Variants in ZSWIM5 observed in about 807,000 individuals in gnomAD.
ZSWIM5 encodes zinc finger SWIM-type containing 5, also known as zinc finger SWIM domain-containing protein 5.
ZSWIM5 carries 55 observed loss-of-function variants against 119.6 expected under a neutral mutation model. The observed-to-expected ratio is 0.46, with a 90% confidence interval of 0.37 to 0.58. The LOEUF (loss-of-function observed/expected upper bound fraction) is 0.58, where lower values mean the gene tolerates loss of function less well. Among genes scored for constraint, ZSWIM5 ranks in the 20% least tolerant of loss-of-function variants. The probability of loss-of-function intolerance (pLI) is 0.00; values close to 1 mark genes in which losing one functional copy is unlikely to be tolerated. For missense variants in ZSWIM5, 1,193 were observed against 1,512.8 expected (o/e 0.79, Z 3.51); for synonymous variants, 537 against 606.9 (o/e 0.88, Z 1.69).
intron 2 of ZSWIM5, among the ~76,000 whole-genome samples, chr1:45,062,564 C>T (rs1645159144): frequency 6.6e-6 from 1 of 152,044 alleles, no homozygotes; most frequent in Non-Finnish European, 1.5e-5. Flanking sequence ...GTAGTGGTGC[C>T]ATCATGGCTC....
chr1:45,116,305 T>G (rs1018113247), intron 1 of ZSWIM5, among the ~76,000 whole-genome samples: 3 of 152,210 alleles, frequency 2.0e-5, no homozygotes, highest in African/African-American at 7.2e-5. Flanking sequence ...CTAGAGAATA[T>G]AGGAGATTTT....
rs140411876 is a variant in ZSWIM5 at position 45,030,308 on chromosome 1, C to T, written c.2449+4004G>A. On this transcript the variant is annotated intron_variant, in intron 11 of 13. Coordinates refer to ENST00000359600, the MANE Select transcript of ZSWIM5 (RefSeq NM_020883.2). ...TGTCGCCCAGGCTGGAGTGCAGTGG[C>T]GCAATCTCGGCTCACTGCAACCTCT... Among the ~76,000 whole-genome samples the T allele has an allele frequency of 3.5e-3, 529 of 152,084 alleles. 3 individuals are homozygous for T. The highest frequency in any genetic ancestry group is 0.011 in the African/African-American group (445 of 41,470).
chr1:45,182,056 G>A (rs1363595697), intron 1 of ZSWIM5, among the ~76,000 whole-genome samples: 1 of 151,996 alleles, frequency 6.6e-6, no homozygotes, highest in Non-Finnish European at 1.5e-5. Flanking sequence ...ACATCATAAT[G>A]ACAGGATCAA....
chr1:45,123,691 A>C (rs1378939663), intron 1 of ZSWIM5, among the ~76,000 whole-genome samples: 1 of 152,216 alleles, frequency 6.6e-6, no homozygotes, highest in Non-Finnish European at 1.5e-5. Context: ...CTGAAAAAAT[A>C]CTTGAAATAA....
intron 1 of ZSWIM5, among the ~76,000 whole-genome samples, chr1:45,161,117 C>T (rs1268997217): frequency 6.6e-6 from 1 of 151,778 alleles, no homozygotes; most frequent in African/African-American, 2.4e-5. Context: ...AGCCACCGTG[C>T]CTGGCCTATA....
intron 1 of ZSWIM5, among the ~76,000 whole-genome samples, chr1:45,091,933 T>A (rs896767913): frequency 1.3e-5 from 2 of 151,708 alleles, no homozygotes; most frequent in East Asian, 3.9e-4. Flanking sequence ...ATCACTATGT[T>A]ATAAAAAAAA....
chr1:45,195,261 G>A (rs556029176), intron 1 of ZSWIM5, among the ~76,000 whole-genome samples: 6 of 152,176 alleles, frequency 3.9e-5, no homozygotes, highest in Non-Finnish European at 8.8e-5. Context: ...TTGAGACAGG[G>A]TCTTGCTCTG....
At chr1:45,123,756 C>G (rs1645606184) in intron 1 of ZSWIM5, among the ~76,000 whole-genome samples, 2 of 152,134 alleles carry the variant, frequency 1.3e-5, no homozygotes, top group Non-Finnish European at 2.9e-5. Flanking sequence ...ATTCAAGAAG[C>G]TGAATAAACC....
At chr1:45,038,825 A>T in intron 8 of ZSWIM5, 111 bp downstream of exon 8, 1 of 1,344,720 alleles carries the variant, frequency 7.4e-7, no homozygotes, top group Non-Finnish European at 1.0e-6. Context: ...TGAACTCTTG[A>T]ACTCAAGTAA....
chr1:45,157,591 G>A (rs576684200), intron 1 of ZSWIM5, among the ~76,000 whole-genome samples: 27 of 152,116 alleles, frequency 1.8e-4, no homozygotes, highest in African/African-American at 3.9e-4. Context: ...TCTCCTATCC[G>A]TGTACAACTA....
At chr1:45,169,617 T>A (rs1349349092) in intron 1 of ZSWIM5, among the ~76,000 whole-genome samples, 1 of 152,094 alleles carries the variant, frequency 6.6e-6, no homozygotes, top group Non-Finnish European at 1.5e-5. Flanking sequence ...TTTCATCATG[T>A]CACTTTTCTA....
At chr1:45,038,536 A>T (rs1304091265) in intron 8 of ZSWIM5, among the ~76,000 whole-genome samples, 1 of 146,596 alleles carries the variant, frequency 6.8e-6, no homozygotes, top group Non-Finnish European at 1.5e-5. Flanking sequence ...TTTGGACAAG[A>T]GGGGGAAAAA....
intron 1 of ZSWIM5, among the ~76,000 whole-genome samples, chr1:45,151,442 G>A (rs1645796457): frequency 6.6e-6 from 1 of 151,888 alleles, no homozygotes; most frequent in South Asian, 2.1e-4. Context: ...AATATTAAGT[G>A]CCTATAATAT....
chr1:45,096,068 A>G (rs1053299988), intron 1 of ZSWIM5, among the ~76,000 whole-genome samples: 1 of 152,192 alleles, frequency 6.6e-6, no homozygotes, highest in African/African-American at 2.4e-5. Context: ...ACATTTTCCT[A>G]AAATACAAAA....
chr1:45,048,495 TC>T (rs1252039640), intron 5 of ZSWIM5, among the ~76,000 whole-genome samples: 1 of 152,134 alleles, frequency 6.6e-6, no homozygotes, highest in African/African-American at 2.4e-5. Context: ...TACCAAGGAC[TC>T]TAACGTGGAT....
At position 45,206,475 on chromosome 1, in the gene ZSWIM5, A is replaced by C. The variant is rs924191803; in HGVS notation, c.-125T>G. On this transcript the variant is annotated 5_prime_UTR_variant, in exon 1 of 14. Transcript: ENST00000359600. Reference sequence around the variant, plus strand: ...GCGCCGAGGGGGGCGGGGCGAGAGAACCCGCGAGCCAGCCGGCCCGAGTGG... The same window carrying C: ...GCGCCGAGGGGGGCGGGGCGAGAGACCCCGCGAGCCAGCCGGCCCGAGTGG... 1 of 1,190,756 alleles carries C rather than the reference A, an allele frequency of 8.4e-7. No homozygotes were observed. 73.8% of individuals were successfully genotyped at this position (1,190,756 alleles called of 1,614,324 possible).
intron 1 of ZSWIM5, among the ~76,000 whole-genome samples, chr1:45,135,276 A>C (rs776227209): frequency 6.6e-6 from 1 of 152,160 alleles, no homozygotes; most frequent in Non-Finnish European, 1.5e-5. Context: ...TGAGGTAGGG[A>C]GGAGAGGAAA....
chr1:45,036,082 C>T lies in ZSWIM5; in HGVS notation c.2112G>A (p.Glu704=), dbSNP rs371566581. The T allele has an allele frequency of 1.9e-6, 3 of 1,614,190 alleles. No homozygotes were observed. Among genetic ancestry groups the T allele is most frequent in the Non-Finnish European group, 1.7e-6 (2 of 1,180,032 alleles). The part of the protein sequence containing the change: ...SQLQELQLDD[E]LVQTLQKQCI... The stretch of plus-strand genomic sequence containing the variant: ...ATTGTTTTTGCAGTGTTTGCACTAG[C>T]TCATCGTCCAGCTGCAGCTCTTGGA... The change falls in exon 9 of 14, where the codon GAG becomes GAA. Residue 704 remains glutamate, a synonymous_variant. Coordinates refer to ENST00000359600, the MANE Select transcript of ZSWIM5 (RefSeq NM_020883.2).
chr1:45,145,856 G>A (rs1397508530), intron 1 of ZSWIM5, among the ~76,000 whole-genome samples: 1 of 152,094 alleles, frequency 6.6e-6, no homozygotes, highest in East Asian at 1.9e-4. Context: ...AAGAGAACAG[G>A]AAGAACAAGC....
Sources: allele counts gnomAD v4.1 joint callset (sites outside exome capture counted in the v4.1 genomes callset), GRCh38; gene constraint gnomAD v4.1.1; transcripts MANE v1.5; gene names NCBI Gene and HGNC (gene_info 2026-07-23, HGNC 2026-07-21).